The following MAML2 variants were observed in gnomAD, a reference collection of about 807,000 sequenced individuals.
The protein encoded by MAML2 is mastermind like transcriptional coactivator 2, also known as mastermind-like protein 2.
A neutral mutation model predicts 96.1 loss-of-function variants in MAML2; 22 were observed. The ratio of observed to expected loss-of-function variants is 0.23; its 90% CI spans 0.16 to 0.33. The LOEUF is 0.33. Among genes scored for constraint, MAML2 ranks in the 10% least tolerant of loss-of-function variants. The pLI is 1.00. For synonymous variants in MAML2, 561 were observed against 521.3 expected, an observed-to-expected ratio of 1.08 and a Z score of -1.04; for missense variants, 1,367 against 1,392.4, an observed-to-expected ratio of 0.98 and a Z score of 0.29.
chr11:96,219,831 G>A (rs948077143), intron 1 of MAML2, among the ~76,000 whole-genome samples: 2 of 152,048 alleles, frequency 1.3e-5, no homozygotes, highest in African/African-American at 2.4e-5. Context: ...TCATCATGTT[G>A]GTCAGGCTGG....
At chr11:96,140,876 G>C (rs1467215387) in intron 1 of MAML2, among the ~76,000 whole-genome samples, 1 of 152,174 alleles carries the variant, frequency 6.6e-6, no homozygotes, top group Non-Finnish European at 1.5e-5. Context: ...TCATTTTAGG[G>C]ACACACAGGA....
chr11:96,337,417 A>G (rs1863934758), intron 1 of MAML2, among the ~76,000 whole-genome samples: 1 of 152,248 alleles, frequency 6.6e-6, no homozygotes, highest in South Asian at 2.1e-4. Context: ...AACAATTAAC[A>G]TTTTAGACAA....
intron 1 of MAML2, among the ~76,000 whole-genome samples, chr11:96,266,448 G>A (rs1260153391): frequency 1.3e-5 from 2 of 152,040 alleles, no homozygotes; most frequent in Admixed American, 6.6e-5. Context: ...GTGGGCACCT[G>A]TAGTCCCAGC....
Position 96,093,236 on chromosome 11 carries a change from T to C in MAML2, c.795A>G (p.Val265=), listed in dbSNP as rs149110001. ...NGLFNMGLKE[V]KKEPGETLSC... Reference sequence around the variant, plus strand: ...ACAGAGTCTCTCCTGGCTCCTTCTTTACCTCCTTTAAGCCCATGTTAAACA... The same window carrying C: ...ACAGAGTCTCTCCTGGCTCCTTCTTCACCTCCTTTAAGCCCATGTTAAACA... Residue 265 remains valine (V), a synonymous_variant, in exon 2 of 5, where the codon GTA becomes GTG. Coordinates refer to ENST00000524717, the MANE Select transcript of MAML2 (RefSeq NM_032427.4). The C allele has an allele frequency of 1.8e-4, 284 of 1,614,050 alleles. No homozygotes were observed. The highest frequency in any genetic ancestry group is 3.7e-4 in the Admixed American group (22 of 60,032).
chr11:96,047,446 T>C (rs1858919844), intron 2 of MAML2, among the ~76,000 whole-genome samples: 1 of 152,206 alleles, frequency 6.6e-6, no homozygotes, highest in South Asian at 2.1e-4. Context: ...AAATTTACTT[T>C]ACAGGTATGC....
rs533819947 is a variant in MAML2 at position 96,259,421 on chromosome 11, A to C, written c.513+81962T>G. ...GCTTCGCTCCAATGCTTCCATCTCA[A>C]TAACCCTTTAAAGTGAAAACTGTGG... On this transcript the variant is annotated intron_variant, in intron 1 of 4. Coordinates refer to ENST00000524717, the MANE Select transcript of MAML2 (RefSeq NM_032427.4). Among the ~76,000 whole-genome samples, 165 of 152,336 alleles carry C rather than the reference A, an allele frequency of 1.1e-3. 1 individual carries two copies. Among genetic ancestry groups the C allele is most frequent in the African/African-American group, 3.8e-3 (159 of 41,580 alleles).
intron 1 of MAML2, among the ~76,000 whole-genome samples, chr11:96,303,683 C>T (rs919048805): frequency 1.3e-5 from 2 of 152,072 alleles, no homozygotes; most frequent in Non-Finnish European, 2.9e-5. Flanking sequence ...AGGCTGAATA[C>T]AAGACACACA....
In MAML2 at chr11:96,124,572, C is replaced by T. The variant is rs78359774; in HGVS notation, c.514-31055G>A. Among the ~76,000 whole-genome samples, 1,398 of 152,244 alleles carry T rather than the reference C, an allele frequency of 9.2e-3. 26 individuals are homozygous for T. The highest frequency in any genetic ancestry group is 0.032 in the African/African-American group (1,341 of 41,528). On this transcript the variant is annotated intron_variant, in intron 1 of 4. Transcript: ENST00000524717. ...TGTTTTAAACATTTATTGAGTTAAT[C>T]CATGAAAATGCACACTCAAAGGATA...
intron 2 of MAML2, among the ~76,000 whole-genome samples, chr11:96,016,369 A>G (rs1240577489): frequency 6.6e-6 from 1 of 152,200 alleles, no homozygotes; most frequent in Non-Finnish European, 1.5e-5. Flanking sequence ...TCAAAGAGTC[A>G]TTCTGCCCAT....
intron 2 of MAML2, among the ~76,000 whole-genome samples, chr11:96,036,409 C>T (rs1372359317): frequency 1.3e-5 from 2 of 152,156 alleles, no homozygotes; most frequent in Non-Finnish European, 2.9e-5. Context: ...TTTAGCACTA[C>T]TCTCTGCAGG....
intron 1 of MAML2, among the ~76,000 whole-genome samples, chr11:96,214,940 T>C (rs181646935): frequency 6.6e-6 from 1 of 152,332 alleles, no homozygotes; most frequent in Admixed American, 6.5e-5. Context: ...ACCATGTGTC[T>C]TTGGAAATTG....
chr11:96,171,436 T>C (rs1031608534), intron 1 of MAML2, among the ~76,000 whole-genome samples: 1 of 152,158 alleles, frequency 6.6e-6, no homozygotes, highest in African/African-American at 2.4e-5. Flanking sequence ...TTTCCGACCT[T>C]CCCACTCCAC....
intron 3 of MAML2, among the ~76,000 whole-genome samples, chr11:95,989,666 AG>A (rs1188560739): frequency 8.1e-6 from 1 of 123,310 alleles, no homozygotes; most frequent in Non-Finnish European, 1.6e-5. Context: ...GGAAGGGAAC[AG>A]GGGGGAGGAC....
intron 2 of MAML2, among the ~76,000 whole-genome samples, chr11:96,015,530 T>C (rs1295017840): frequency 2.5e-5 from 3 of 121,306 alleles, no homozygotes; most frequent in African/African-American, 9.5e-5. Context: ...ATTCAATAGA[T>C]GTGGAAGAGC....
intron 2 of MAML2, among the ~76,000 whole-genome samples, chr11:96,069,103 T>A (rs542522090): frequency 1.3e-5 from 2 of 151,890 alleles, no homozygotes; most frequent in South Asian, 4.2e-4. Flanking sequence ...AGTTTTTAAT[T>A]TTTTTGTAGA....
At chr11:96,240,411 G>A (rs1016769886) in intron 1 of MAML2, among the ~76,000 whole-genome samples, 24 of 151,148 alleles carry the variant, frequency 1.6e-4, no homozygotes, top group Admixed American at 1.5e-3. Context: ...TTAGCCGGGC[G>A]CGGTGGCGGG....
chr11:96,140,565 C>T (rs1201205054), intron 1 of MAML2, among the ~76,000 whole-genome samples: 1 of 152,186 alleles, frequency 6.6e-6, no homozygotes, highest in African/African-American at 2.4e-5. Context: ...TGACTTTATA[C>T]CAGAGCTCTT....
At chr11:96,098,137 G>A (rs1859863543) in intron 1 of MAML2, among the ~76,000 whole-genome samples, 1 of 152,166 alleles carries the variant, frequency 6.6e-6, no homozygotes, top group Non-Finnish European at 1.5e-5. Flanking sequence ...GGACACAGGG[G>A]GTTGGATGGC....
chr11:96,270,499 T>C (rs902483443), intron 1 of MAML2, among the ~76,000 whole-genome samples: 1 of 152,068 alleles, frequency 6.6e-6, no homozygotes, highest in Non-Finnish European at 1.5e-5. Context: ...TTAGTAGATA[T>C]GGGGTTTCAC....
Sources: gnomAD v4.1 joint callset for allele counts (sites outside exome capture counted in the v4.1 genomes callset) on GRCh38, gnomAD v4.1.1 for gene constraint, MANE v1.5 for transcripts, NCBI Gene and HGNC (gene_info 2026-07-23, HGNC 2026-07-21) for gene names.